The following SPAG9 variants were observed in gnomAD, a reference collection of about 807,000 sequenced individuals.
The protein encoded by SPAG9 is C-Jun-amino-terminal kinase-interacting protein 4.
Under a neutral mutation model 166.5 loss-of-function variants are expected in SPAG9, and 35 were observed. The ratio of observed to expected loss-of-function variants is 0.21; its 90% CI spans 0.16 to 0.28. SPAG9 has a LOEUF of 0.28. SPAG9 is among the 10% of genes least tolerant of loss of function. SPAG9 has a pLI of 1.00. For synonymous variants in SPAG9, 534 were observed against 565.5 expected, an observed-to-expected ratio of 0.94 and a Z score of 0.79; for missense variants, 1,235 against 1,603.3, an observed-to-expected ratio of 0.77 and a Z score of 3.92.
At position 50,993,772 on chromosome 17, in the gene SPAG9, C is replaced by T. The variant is rs765200775; in HGVS notation, c.2390G>A (p.Ser797Asn). ...VCNSHVLCIA[S>N]VPGARETDYP... ...GCATGACTCACTCTTACCTGGCACA[C>T]TTGCAATGCACAGAACATGAGAGTT... Residue 797 changes from serine (S) to asparagine (N), a missense_variant, in exon 19 of 30, where the codon AGT becomes AAT. Ser to Asn is a conservative substitution (Grantham distance 46). Around this residue, in one of 6 missense-constraint regions of SPAG9, gnomAD observed 493 missense variants for 559.4 expected, o/e 0.88. Coordinates refer to ENST00000262013, the MANE Select transcript of SPAG9 (RefSeq NM_001130528.3). 2.4e-5 allele frequency: 38 copies of T among 1,613,846 alleles called. No individual in the cohort carries two copies. The highest frequency in any genetic ancestry group is 4.2e-6 in the Non-Finnish European group (5 of 1,179,866).
chr17:50,982,393 T>A, intron 25 of SPAG9, 131 bp downstream of exon 25: 2 of 746,362 alleles, frequency 2.7e-6, no homozygotes, highest in Non-Finnish European at 4.2e-6. Flanking sequence ...GATATTCAAA[T>A]ACATTACTCA....
At chr17:50,971,499 G>T (rs1973812902) in intron 28 of SPAG9, among the ~76,000 whole-genome samples, 1 of 101,864 alleles carries the variant, frequency 9.8e-6, no homozygotes, top group South Asian at 3.4e-4. Context: ...ATGGAGTCTT[G>T]CTCTGTCGCC....
Position 50,966,255 on chromosome 17 carries a change from A to C in SPAG9, c.*17T>G. 6.8e-7 allele frequency: 1 copy of C among 1,470,952 alleles called. No homozygotes were observed. Among genetic ancestry groups the C allele is most frequent in the Non-Finnish European group, 9.5e-7 (1 of 1,050,060 alleles). 91.1% of individuals were successfully genotyped at this position (1,470,952 alleles called of 1,614,324 possible). A position where few individuals can be genotyped will look rare whatever the true frequency, so the allele number is the denominator to read the frequency against. On this transcript the variant is annotated 3_prime_UTR_variant, in exon 30 of 30. Transcript: ENST00000262013. ...CAGAAGAGACGGCTTCCCCATCTCCACCTGTTTCCCATGGGCTCACTCATT... is the reference window on the plus strand; with the variant it reads ...CAGAAGAGACGGCTTCCCCATCTCCCCCTGTTTCCCATGGGCTCACTCATT...
intron 2 of SPAG9, among the ~76,000 whole-genome samples, chr17:51,070,070 CT>C (rs1468387775): frequency 3.0e-5 from 4 of 132,666 alleles, no homozygotes; most frequent in Non-Finnish European, 6.8e-5. Context: ...ACCCTCATCT[CT>C]TAAAAAAAAA....
chr17:51,110,147 G>A (rs1319079907), intron 1 of SPAG9, among the ~76,000 whole-genome samples: 2 of 152,036 alleles, frequency 1.3e-5, no homozygotes, highest in Non-Finnish European at 2.9e-5. Context: ...AGTACTGAGG[G>A]GCAAAGTATG....
At chr17:51,097,428 C>G (rs1343827423) in intron 1 of SPAG9, among the ~76,000 whole-genome samples, 1 of 152,054 alleles carries the variant, frequency 6.6e-6, no homozygotes, top group African/African-American at 2.4e-5. Flanking sequence ...TGACTGTAAT[C>G]CCAGTGATTC....
chr17:51,085,958 CATTT>C (rs1231111701), intron 1 of SPAG9, among the ~76,000 whole-genome samples: 2 of 120,408 alleles, frequency 1.7e-5, no homozygotes, highest in African/African-American at 6.5e-5. Flanking sequence ...TCTTGGAAAT[CATTT>C]TTTTTTTTTT....
At chr17:51,103,263 C>G (rs932405812) in intron 1 of SPAG9, among the ~76,000 whole-genome samples, 1 of 152,142 alleles carries the variant, frequency 6.6e-6, no homozygotes, top group African/African-American at 2.4e-5. Context: ...TAATTATCTA[C>G]TGCATCCTAG....
At position 51,075,219 on chromosome 17, in the gene SPAG9, AAAG is replaced by A. The variant is rs1283108358; in HGVS notation, c.424+4362_424+4364del. On this transcript the variant is annotated intron_variant, in intron 2 of 29. Coordinates refer to ENST00000262013, the MANE Select transcript of SPAG9 (RefSeq NM_001130528.3). Reference sequence around the variant, plus strand: ...TCAAAAAAAAAAAAAAAAAAAAAAAAAAGAAGAAGAAGAAGAAAAGAAACCACT... The same window carrying A: ...TCAAAAAAAAAAAAAAAAAAAAAAAAAAGAAGAAGAAGAAAAGAAACCACT... Among the ~76,000 whole-genome samples, 174 of 147,850 alleles carry A rather than the reference AAAG, an allele frequency of 1.2e-3. 2 individuals are homozygous for A. The highest frequency in any genetic ancestry group is 4.3e-3 in the African/African-American group (167 of 39,194).
chr17:50,999,512 GTTCAGTTTAGC>G, intron 14 of SPAG9, 138 bp downstream of exon 14: 2 of 1,429,700 alleles, frequency 1.4e-6, no homozygotes, highest in Non-Finnish European at 1.9e-6. Flanking sequence ...AAAAAAAAAA[GTTCAGTTTAGC>G]TACTTAACCA....
intron 17 of SPAG9, 86 bp downstream of exon 17, chr17:50,995,358 G>A (rs955227125): frequency 1.6e-5 from 21 of 1,290,338 alleles, no homozygotes; most frequent in Non-Finnish European, 2.2e-5. Flanking sequence ...CCTCACCATA[G>A]AAGTAATACT....
rs2048109999 is a variant in SPAG9, at chr17:51,079,709, T to C, written c.304-5A>G. ...GTCTTCAAATTCAATGAATTTCTAATAAAGAAGAACAATATAAATTTAATC... is the reference window on the plus strand; with the variant it reads ...GTCTTCAAATTCAATGAATTTCTAACAAAGAAGAACAATATAAATTTAATC... On this transcript the variant is annotated splice_region_variant and splice_polypyrimidine_tract_variant and intron_variant, in intron 1 of 29. Coordinates refer to ENST00000262013, the MANE Select transcript of SPAG9 (RefSeq NM_001130528.3). 6.6e-7 allele frequency: 1 copy of C among 1,515,742 alleles called. No homozygotes were observed. The highest frequency in any genetic ancestry group is 9.1e-7 in the Non-Finnish European group (1 of 1,100,500). The allele number at this position is 1,515,742 out of a possible 1,614,324, so 93.9% of individuals were successfully genotyped here.
chr17:51,119,315 T>C (rs552945866), intron 1 of SPAG9, among the ~76,000 whole-genome samples: 1 of 152,306 alleles, frequency 6.6e-6, no homozygotes, highest in East Asian at 1.9e-4. Context: ...TAATTAGTTA[T>C]TTCGCCTCCT....
chr17:51,118,530 G>A (rs1313854335), intron 1 of SPAG9, among the ~76,000 whole-genome samples: 1 of 152,188 alleles, frequency 6.6e-6, no homozygotes, highest in Non-Finnish European at 1.5e-5. Flanking sequence ...AAAAGGTCAT[G>A]TCAGGCTTGC....
chr17:51,036,634 T>C (rs1173801645), intron 5 of SPAG9, among the ~76,000 whole-genome samples: 1 of 152,110 alleles, frequency 6.6e-6, no homozygotes, highest in Non-Finnish European at 1.5e-5. Context: ...GGGGAGGCTC[T>C]CATCATCCTG....
chr17:51,095,154 G>A (rs577755921), intron 1 of SPAG9, among the ~76,000 whole-genome samples: 7 of 151,554 alleles, frequency 4.6e-5, no homozygotes, highest in African/African-American at 1.2e-4. Context: ...AAAATTAGCC[G>A]GGCGTGGTGG....
intron 1 of SPAG9, among the ~76,000 whole-genome samples, chr17:51,109,317 A>T (rs1268782264): frequency 6.6e-6 from 1 of 150,992 alleles, no homozygotes; most frequent in East Asian, 1.9e-4. Flanking sequence ...GCTCACCACA[A>T]CCTCCACCTC....
At chr17:51,083,246 CTTTTT>C (rs2048216937) in intron 1 of SPAG9, among the ~76,000 whole-genome samples, 1 of 77,274 alleles carries the variant, frequency 1.3e-5, no homozygotes, top group East Asian at 3.7e-4. Flanking sequence ...TTTTTTTTTT[CTTTTT>C]TGAGACTGAG....
In SPAG9 at chr17:50,998,564, G is replaced by A. The variant is rs2044781422; in HGVS notation, c.1718C>T (p.Pro573Leu). 12 of 1,614,178 alleles carry A rather than the reference G, an allele frequency of 7.4e-6. No individual in the cohort carries two copies. The highest frequency in any genetic ancestry group is 1.0e-5 in the Non-Finnish European group (12 of 1,180,028). ...GGGTGCATTGTACTTCAGATTAACAGGTGGTTCAGGCTTCTTAGTCGTGTT... is the reference window on the plus strand; with the variant it reads ...GGGTGCATTGTACTTCAGATTAACAAGTGGTTCAGGCTTCTTAGTCGTGTT... Reference protein sequence around the residue: ...SSNTTKKPEPPVNLKYNAPTS... With the variant: ...SSNTTKKPEPLVNLKYNAPTS... Residue 573 changes from proline to leucine, a missense_variant, in exon 15 of 30, where the codon CCT (proline) becomes CTT (leucine). Around this residue, in one of 6 missense-constraint regions of SPAG9, gnomAD observed 493 missense variants for 559.4 expected, o/e 0.88. Coordinates refer to ENST00000262013, the MANE Select transcript of SPAG9 (RefSeq NM_001130528.3).
Sources: allele counts gnomAD v4.1 joint callset (sites outside exome capture counted in the v4.1 genomes callset), GRCh38; gene constraint gnomAD v4.1.1; regional missense constraint gnomAD v4.1.1; transcripts MANE v1.5; gene names NCBI Gene and HGNC (gene_info 2026-07-23, HGNC 2026-07-21).